The following CLSTN2 variants were observed in gnomAD, a reference collection of about 807,000 sequenced individuals.
CLSTN2 encodes calsyntenin 2, also known as calsyntenin-2.
Under a neutral mutation model 101.2 loss-of-function variants are expected in CLSTN2, and 48 were observed. The ratio of observed to expected loss-of-function variants is 0.47; its 90% CI spans 0.38 to 0.60. The LOEUF is 0.60. Among genes scored for constraint, CLSTN2 ranks in the 20% least tolerant of loss-of-function variants. The pLI is 0.00. For missense variants in CLSTN2, 1,160 were observed against 1,238.2 expected (o/e 0.94, Z 0.95); for synonymous variants, 481 against 463.6 (o/e 1.04, Z -0.48).
chr3:140,502,260 C>A (rs1274109145), intron 8 of CLSTN2, among the ~76,000 whole-genome samples: 1 of 152,218 alleles, frequency 6.6e-6, no homozygotes, highest in African/African-American at 2.4e-5. Flanking sequence ...TCAACTAATT[C>A]TACACCTCTA....
intron 1 of CLSTN2, among the ~76,000 whole-genome samples, chr3:139,977,242 C>A (rs1935832905): frequency 6.6e-6 from 1 of 152,088 alleles, no homozygotes; most frequent in East Asian, 1.9e-4. Flanking sequence ...TTTGGAGACA[C>A]ACAGGCAAGC....
chr3:140,430,539 CA>C, intron 5 of CLSTN2, among the ~76,000 whole-genome samples: 1 of 152,346 alleles, frequency 6.6e-6, no homozygotes, highest in Non-Finnish European at 1.5e-5. Flanking sequence ...TACCCTACAG[CA>C]GCAGAGCCGA....
chr3:140,434,944 A>T (rs962836590), intron 5 of CLSTN2, among the ~76,000 whole-genome samples: 2 of 152,150 alleles, frequency 1.3e-5, no homozygotes, highest in African/African-American at 2.4e-5. Context: ...GTGGGTACAT[A>T]GTAGGTGTAT....
chr3:140,182,842 G>C (rs1240328462), intron 2 of CLSTN2, among the ~76,000 whole-genome samples: 1 of 152,156 alleles, frequency 6.6e-6, no homozygotes, highest in Admixed American at 6.5e-5. Flanking sequence ...CAGTAGCTGG[G>C]GACCTGTGAA....
Position 139,954,066 on chromosome 3 carries a change from C to T in CLSTN2, c.109+18583C>T, listed in dbSNP as rs561190785. Among the ~76,000 whole-genome samples, 174 of 152,028 alleles carry T rather than the reference C, an allele frequency of 1.1e-3. 1 individual carries two copies. Among genetic ancestry groups the T allele is most frequent in the African/African-American group, 4.1e-3 (168 of 41,476 alleles). Reference sequence around the variant, plus strand: ...CAGGGGTTTGGTATATAAATTGTTTCGTCACCCAGGTAATAAGCAGAGTAC... The same window carrying T: ...CAGGGGTTTGGTATATAAATTGTTTTGTCACCCAGGTAATAAGCAGAGTAC... On this transcript the variant is annotated intron_variant, in intron 1 of 16. Transcript: ENST00000458420.
In CLSTN2 at chr3:140,568,320, T is replaced by G. The variant is rs1985368513; in HGVS notation, c.*2067T>G. On this transcript the variant is annotated 3_prime_UTR_variant, in exon 17 of 17. Transcript: ENST00000458420. ...GCCTAGAAATTACACAAGAGACAAA[T>G]GAAGAGGAAGAGAAGTCACAAGAGA... 2 of 152,002 alleles carry G rather than the reference T, an allele frequency of 1.3e-5. No homozygotes were observed. The highest frequency in any genetic ancestry group is 2.4e-5 in the African/African-American group (1 of 41,356). The allele number at this position is 152,002 out of a possible 1,614,324, so 9.4% of individuals were successfully genotyped here. A position where few individuals can be genotyped will look rare whatever the true frequency, so the allele number is the denominator to read the frequency against.
intron 2 of CLSTN2, among the ~76,000 whole-genome samples, chr3:140,379,784 C>T (rs567975319): frequency 6.4e-4 from 97 of 151,970 alleles, no homozygotes; most frequent in African/African-American, 2.2e-3. Flanking sequence ...TAATAAGCTA[C>T]GAAAATGATC....
chr3:139,980,140 C>A lies in CLSTN2; in HGVS notation c.109+44657C>A, dbSNP rs117948087. On this transcript the variant is annotated intron_variant, in intron 1 of 16. Transcript: ENST00000458420. ...TCTCCTGATAGTCTCTTTGTTCCCACCCTAGGCCCCCAGTCTGAAAATGCA... is the reference window on the plus strand; with the variant it reads ...TCTCCTGATAGTCTCTTTGTTCCCAACCTAGGCCCCCAGTCTGAAAATGCA... 3.3e-5 allele frequency among the ~76,000 whole-genome samples: 5 copies of A among 152,216 alleles called. No individual in the cohort carries two copies. The East Asian group carries it at 9.6e-4, about 29-fold the overall frequency.
intron 1 of CLSTN2, among the ~76,000 whole-genome samples, chr3:140,069,480 A>C (rs1427935013): frequency 1.3e-5 from 2 of 152,160 alleles, no homozygotes; most frequent in South Asian, 2.1e-4. Flanking sequence ...ATGGGCAGTG[A>C]TGGAGGCTGG....
chr3:140,368,152 G>A (rs888641470), intron 2 of CLSTN2, among the ~76,000 whole-genome samples: 1 of 152,188 alleles, frequency 6.6e-6, no homozygotes, highest in African/African-American at 2.4e-5. Context: ...GTTAGCCTGA[G>A]GATGGCCATG....
chr3:140,333,003 T>TC (rs1257531387), intron 2 of CLSTN2, among the ~76,000 whole-genome samples: 1 of 152,054 alleles, frequency 6.6e-6, no homozygotes, highest in Non-Finnish European at 1.5e-5. Flanking sequence ...TGCAAGGGAG[T>TC]CCATGATCCT....
At chr3:140,441,310 G>A (rs1016465561) in intron 5 of CLSTN2, among the ~76,000 whole-genome samples, 1 of 152,142 alleles carries the variant, frequency 6.6e-6, no homozygotes, top group Non-Finnish European at 1.5e-5. Context: ...CCTGCCCCTA[G>A]GAGATCCAGG....
intron 1 of CLSTN2, among the ~76,000 whole-genome samples, chr3:140,096,862 G>A (rs540073116): frequency 3.5e-4 from 54 of 152,328 alleles, no homozygotes; most frequent in African/African-American, 1.2e-3. Context: ...TTAGGGTTCC[G>A]TGTGAAGAGA....
Position 140,459,626 on chromosome 3 carries a change from G to T in CLSTN2, c.1079G>T (p.Gly360Val). 1 of 1,614,144 alleles carries T rather than the reference G, an allele frequency of 6.2e-7. No individual in the cohort carries two copies. Among genetic ancestry groups the T allele is most frequent in the Non-Finnish European group, 8.5e-7 (1 of 1,180,012 alleles). Residue 360 changes from glycine to valine, a missense_variant, in exon 7 of 17, where the codon GGC becomes GTC. Transcript: ENST00000458420. Reference protein sequence around the residue: ...DSSEMIFKFDGRQGAKVPDGI... With the variant: ...DSSEMIFKFDVRQGAKVPDGI... ...AGTGAGATGATCTTCAAGTTTGACGGCAGGCAGGGTGCCAAAGTCCCCGAT... is the reference window on the plus strand; with the variant it reads ...AGTGAGATGATCTTCAAGTTTGACGTCAGGCAGGGTGCCAAAGTCCCCGAT...
At chr3:140,081,984 T>C (rs1441499600) in intron 1 of CLSTN2, among the ~76,000 whole-genome samples, 1 of 152,206 alleles carries the variant, frequency 6.6e-6, no homozygotes, top group East Asian at 1.9e-4. Flanking sequence ...ACCCTCCACC[T>C]ACCTAGAGTT....
At chr3:140,519,769 G>T (rs1005903683) in intron 8 of CLSTN2, among the ~76,000 whole-genome samples, 3 of 152,104 alleles carry the variant, frequency 2.0e-5, no homozygotes, top group Admixed American at 6.5e-5. Context: ...TATCCAGCTT[G>T]CCATTCTGTG....
chr3:140,264,783 GA>G (rs1189541815), intron 2 of CLSTN2, among the ~76,000 whole-genome samples: 2 of 152,102 alleles, frequency 1.3e-5, no homozygotes, highest in East Asian at 1.9e-4. Context: ...TAGGACAGCT[GA>G]AAAAAATGAT....
At chr3:140,496,449 G>T (rs1437027159) in intron 8 of CLSTN2, among the ~76,000 whole-genome samples, 1 of 152,032 alleles carries the variant, frequency 6.6e-6, no homozygotes, top group East Asian at 1.9e-4. Context: ...ATTTGAATAC[G>T]TTTCATTTCT....
chr3:140,159,545 C>A (rs1047096039), intron 1 of CLSTN2, among the ~76,000 whole-genome samples: 1 of 152,012 alleles, frequency 6.6e-6, no homozygotes, highest in Non-Finnish European at 1.5e-5. Flanking sequence ...GGTGAAAGGG[C>A]ATGCTTTTAC....
Sources: gnomAD v4.1 joint callset for allele counts (sites outside exome capture counted in the v4.1 genomes callset) on GRCh38, gnomAD v4.1.1 for gene constraint, MANE v1.5 for transcripts, NCBI Gene and HGNC (gene_info 2026-07-23, HGNC 2026-07-21) for gene names.